Variants in PSMC1 observed in about 807,000 individuals in gnomAD.
PSMC1 encodes the protein proteasome 26S subunit, ATPase 1, also known as 26S proteasome regulatory subunit 4.
In PSMC1, 5 loss-of-function variants were observed where a neutral mutation model predicts 49.8. The observed-to-expected ratio is 0.10, with a 90% confidence interval of 0.05 to 0.21. The LOEUF (loss-of-function observed/expected upper bound fraction) is 0.21, where lower values mean the gene tolerates loss of function less well. Ranked by LOEUF, PSMC1 falls within the 10% of genes least tolerant of loss-of-function variation. The pLI is 1.00. For synonymous variants in PSMC1, 155 were observed against 192.1 expected (o/e 0.81, Z 1.60); for missense variants, 181 against 535.7 (o/e 0.34, Z 6.54).
intron 1 of PSMC1, among the ~76,000 whole-genome samples, chr14:90,256,829 G>A (rs1891303741): frequency 6.6e-6 from 1 of 152,240 alleles, no homozygotes; most frequent in Non-Finnish European, 1.5e-5. Flanking sequence ...GGGGCTCAGA[G>A]CAGAGAGAGG....
Position 90,272,662 on chromosome 14 carries a change from TCAA to T in PSMC1, c.*258_*260del, listed in dbSNP as rs1437370064. ...TGCAGTCTCCACACACACCTACCGCTCAACAGCAGCCTGTGGGTGGACCCAGCT... is the reference window on the plus strand; with the variant it reads ...TGCAGTCTCCACACACACCTACCGCTCAGCAGCCTGTGGGTGGACCCAGCT... On this transcript the variant is annotated 3_prime_UTR_variant, in exon 11 of 11. Coordinates refer to ENST00000261303, the MANE Select transcript of PSMC1 (RefSeq NM_002802.3). The surrounding 1 kb of genome is among the most constrained non-coding windows in gnomAD (Gnocchi z 4.5). The T allele has an allele frequency of 3.1e-6, 1 of 321,220 alleles. No individual in the cohort carries two copies. Among genetic ancestry groups the T allele is most frequent in the Non-Finnish European group, 6.0e-6 (1 of 165,652 alleles). The allele number at this position is 321,220 out of a possible 1,614,324, so 19.9% of individuals were successfully genotyped here. A position where few individuals can be genotyped will look rare whatever the true frequency, so the allele number is the denominator to read the frequency against.
At chr14:90,269,154 A>G in intron 8 of PSMC1, 1 of 470,192 alleles carries the variant, frequency 2.1e-6, no homozygotes. Context: ...CCCTTTCCAA[A>G]AGGCCTCATC....
rs550373516 is a variant in PSMC1 at position 90,268,562 on chromosome 14, C to CA, written c.881+150dup. 1,108 of 713,896 alleles carry CA rather than the reference C, an allele frequency of 1.6e-3. 25 individuals are homozygous for CA. The South Asian group carries it at 0.02, about 13-fold the overall frequency. The allele number at this position is 713,896 out of a possible 1,614,324, so 44.2% of individuals were successfully genotyped here. On this transcript the variant is annotated intron_variant, in intron 8 of 10. Coordinates refer to ENST00000261303, the MANE Select transcript of PSMC1 (RefSeq NM_002802.3). ...ATGCATGCTTTAGGCTCTGCTCTCCCAGGAGCCAGCTAACAACTGCCCAGT... is the reference window on the plus strand; with the variant it reads ...ATGCATGCTTTAGGCTCTGCTCTCCCAAGGAGCCAGCTAACAACTGCCCAGT...
chr14:90,273,897 C>T lies in PSMC1; in HGVS notation c.*1490C>T, dbSNP rs1018939008. On this transcript the variant is annotated 3_prime_UTR_variant, in exon 11 of 11. Transcript: ENST00000261303. Reference sequence around the variant, plus strand: ...TCCCACCGACCCTTCTTTCTGCCTGCCTTTTCTATTCTTATGGATCCTTGT... The same window carrying T: ...TCCCACCGACCCTTCTTTCTGCCTGTCTTTTCTATTCTTATGGATCCTTGT... 1 of 154,936 alleles carries T rather than the reference C, an allele frequency of 6.5e-6. No individual in the cohort carries two copies. Among genetic ancestry groups the T allele is most frequent in the African/African-American group, 2.4e-5 (1 of 41,516 alleles). The allele number at this position is 154,936 out of a possible 1,614,324, so 9.6% of individuals were successfully genotyped here.
At chr14:90,265,548 G>A (rs1891489774) in intron 7 of PSMC1, among the ~76,000 whole-genome samples, 1 of 151,996 alleles carries the variant, frequency 6.6e-6, no homozygotes, top group South Asian at 2.1e-4. Context: ...AATTAGCCGG[G>A]TGTGGTGACG....
rs766019238 is a variant in PSMC1, at chr14:90,269,378, C to T, written c.882-19C>T. The stretch of plus-strand genomic sequence containing the variant: ...CGATCAGTTGAGTCTTCATTCCTTC[C>T]CTTTTTTTTTTTCCAAAGATATGAC... On this transcript the variant is annotated intron_variant, in intron 8 of 10. Transcript: ENST00000261303. The T allele has an allele frequency of 6.4e-7, 1 of 1,553,350 alleles. No homozygotes were observed. Among genetic ancestry groups the T allele is most frequent in the South Asian group, 1.1e-5 (1 of 87,158 alleles).
rs1472949485 is a variant in PSMC1, at chr14:90,259,212, A to G, written c.56A>G (p.Lys19Arg). 1 of 1,613,906 alleles carries G rather than the reference A, an allele frequency of 6.2e-7. No homozygotes were observed. ...CCTGGAGGTGGCAAGAAGGATGACA[A>G]GGTAAATATGCCAGATTTGTCCTGT... is the stretch of plus-strand genomic sequence containing the variant. Reference protein sequence around the residue: ...HGPGGGKKDDKDKKKKYEPPV... With the variant: ...HGPGGGKKDDRDKKKKYEPPV... The change falls in exon 2 of 11, where the codon AAG becomes AGG. Residue 19 changes from lysine (K) to arginine (R), a missense_variant and splice_region_variant. By Grantham distance (26) the Lys-to-Arg change is conservative (BLOSUM62 2). This residue lies in a region of PSMC1 where 121 missense variants were observed against 358.6 expected (regional missense o/e 0.34). Coordinates refer to ENST00000261303, the MANE Select transcript of PSMC1 (RefSeq NM_002802.3).
intron 1 of PSMC1, 127 bp from the exon 2 acceptor site, chr14:90,259,033 G>A (rs1182024016): frequency 2.4e-6 from 2 of 817,672 alleles, no homozygotes; most frequent in Non-Finnish European, 3.6e-6. Flanking sequence ...CTTGGGTTCA[G>A]AAATGTTCAA....
intron 10 of PSMC1, 66 bp downstream of exon 10, chr14:90,270,418 G>GC: frequency 6.6e-7 from 1 of 1,525,660 alleles, no homozygotes; most frequent in Non-Finnish European, 8.8e-7. Context: ...GAGTCTATAT[G>GC]TGCTCTTGGG....
Position 90,272,485 on chromosome 14 carries a change from A to G in PSMC1, c.*78A>G, listed in dbSNP as rs1310948963. The G allele has an allele frequency of 2.9e-6, 3 of 1,030,230 alleles. No individual in the cohort carries two copies. Among genetic ancestry groups the G allele is most frequent in the Non-Finnish European group, 4.2e-6 (3 of 716,932 alleles). The allele number at this position is 1,030,230 out of a possible 1,614,324, so 63.8% of individuals were successfully genotyped here. On this transcript the variant is annotated 3_prime_UTR_variant, in exon 11 of 11. Coordinates refer to ENST00000261303, the MANE Select transcript of PSMC1 (RefSeq NM_002802.3). This position sits in a 1 kb window ranked among gnomAD's most constrained non-coding sequence, Gnocchi z 4.5. ...AGGGATGAGGTTGGGGGAGTTGCCC[A>G]GAGGAATCCCTGTTCCCACTGATTT...
intron 2 of PSMC1, 142 bp downstream of exon 2, chr14:90,259,355 C>A: frequency 3.1e-6 from 2 of 646,386 alleles, no homozygotes; most frequent in Non-Finnish European, 5.1e-6. Flanking sequence ...CCTACAGATA[C>A]AATAAATATG....
Position 90,273,512 on chromosome 14 carries a change from C to G in PSMC1, c.*1105C>G, listed in dbSNP as rs372365367. 1 of 152,208 alleles carries G rather than the reference C, an allele frequency of 6.6e-6. No homozygotes were observed. Among genetic ancestry groups the G allele is most frequent in the Non-Finnish European group, 1.5e-5 (1 of 68,084 alleles). 9.4% of individuals were successfully genotyped at this position (152,208 alleles called of 1,614,324 possible). A position where few individuals can be genotyped will look rare whatever the true frequency, so the allele number is the denominator to read the frequency against. On this transcript the variant is annotated 3_prime_UTR_variant, in exon 11 of 11. Coordinates refer to ENST00000261303, the MANE Select transcript of PSMC1 (RefSeq NM_002802.3). ...GGCGGAGGTTGCAGTGAGCCAAGAT[C>G]CCGTCACTGCACTCCAGCCTGGGCG...
At position 90,272,358 on chromosome 14, in the gene PSMC1, A is replaced by AT; in HGVS notation, c.1275dup (p.Val426CysfsTer4). ...GAAGACTTCAAAAAATCTAAAGAAA[A>AT]TGTTCTTTATAAGAAACAGGAAGGC... On this transcript the variant is annotated frameshift_variant, in exon 11 of 11. Transcript: ENST00000261303. LOFTEE classifies it high-confidence loss of function. This position sits in a 1 kb window ranked among gnomAD's most constrained non-coding sequence, Gnocchi z 4.5. The AT allele has an allele frequency of 6.3e-7, 1 of 1,599,422 alleles. No homozygotes were observed.
rs547721411 is a variant in PSMC1 at position 90,272,048 on chromosome 14, G to A, written c.1189-225G>A. 4.9e-5 allele frequency: 17 copies of A among 348,112 alleles called. No individual in the cohort carries two copies. Among genetic ancestry groups the A allele is most frequent in the African/African-American group, 2.0e-4 (9 of 45,204 alleles). The allele number at this position is 348,112 out of a possible 1,614,324, so 21.6% of individuals were successfully genotyped here. On this transcript the variant is annotated intron_variant, in intron 10 of 10. Transcript: ENST00000261303. The surrounding 1 kb of genome is among the most constrained non-coding windows in gnomAD (Gnocchi z 4.5). ...GCTAGGATTACAGGTGCCTGCCACC[G>A]TCCCTGGCTAACTTTTTGTATTTTT...
At chr14:90,270,399 A>G in intron 10 of PSMC1, 47 bp downstream of exon 10, 1 of 1,582,328 alleles carries the variant, frequency 6.3e-7, no homozygotes, top group Non-Finnish European at 8.6e-7. Flanking sequence ...GTGGCCGTCA[A>G]TCAGGAAAGA....
intron 10 of PSMC1, chr14:90,270,577 A>G: frequency 2.1e-6 from 1 of 472,752 alleles, no homozygotes; most frequent in Non-Finnish European, 3.6e-6. Flanking sequence ...CTGGAGCCAC[A>G]AGGCTGAGTC....
intron 8 of PSMC1, chr14:90,268,799 T>C (rs909360048): frequency 5.7e-6 from 1 of 174,882 alleles, no homozygotes; most frequent in African/African-American, 2.4e-5. Flanking sequence ...AAAAATATGA[T>C]CTGTAACTTG....
intron 1 of PSMC1, among the ~76,000 whole-genome samples, chr14:90,258,317 A>C (rs7150093): frequency 1.3e-5 from 2 of 152,002 alleles, no homozygotes; most frequent in Non-Finnish European, 2.9e-5. Flanking sequence ...TCAGTAATTG[A>C]TGTACTTGTT....
Position 90,259,156 on chromosome 14 carries a change from C to A in PSMC1, c.4-4C>A. On this transcript the variant is annotated splice_region_variant and splice_polypyrimidine_tract_variant and intron_variant, in intron 1 of 10. Coordinates refer to ENST00000261303, the MANE Select transcript of PSMC1 (RefSeq NM_002802.3). Reference sequence around the variant, plus strand: ...TACATCTGTGCCTGATTTTTCTCCTCCAGGGTCAAAGTCAGAGTGGTGGTC... The same window carrying A: ...TACATCTGTGCCTGATTTTTCTCCTACAGGGTCAAAGTCAGAGTGGTGGTC... 3 of 1,613,202 alleles carry A rather than the reference C, an allele frequency of 1.9e-6. No individual in the cohort carries two copies. The highest frequency in any genetic ancestry group is 2.5e-6 in the Non-Finnish European group (3 of 1,179,530).
Sources: allele counts gnomAD v4.1 joint callset (sites outside exome capture counted in the v4.1 genomes callset), GRCh38; gene constraint gnomAD v4.1.1; regional missense constraint gnomAD v4.1.1; non-coding constraint Gnocchi (gnomAD v3.1); transcripts MANE v1.5; gene names NCBI Gene and HGNC (gene_info 2026-07-23, HGNC 2026-07-21).